Variants in TRPC6 observed in about 807,000 individuals in gnomAD.
TRPC6 encodes the protein transient receptor potential cation channel subfamily C member 6.
TRPC6 carries 55 observed loss-of-function variants against 90.7 expected under a neutral mutation model. That is an observed-to-expected ratio of 0.61 (90% CI 0.49 to 0.76). The LOEUF (loss-of-function observed/expected upper bound fraction) is 0.76, where lower values mean the gene tolerates loss of function less well. TRPC6 is among the 30% of genes least tolerant of loss of function. The probability of loss-of-function intolerance (pLI) is 0.00; values close to 1 mark genes in which losing one functional copy is unlikely to be tolerated. For missense variants in TRPC6, 989 were observed against 1,122.7 expected, an observed-to-expected ratio of 0.88 and a Z score of 1.70; for synonymous variants, 393 against 393.0, an observed-to-expected ratio of 1.00 and a Z score of 0.00.
intron 1 of TRPC6, among the ~76,000 whole-genome samples, chr11:101,582,576 T>C (rs1862221656): frequency 6.9e-6 from 1 of 144,496 alleles, no homozygotes; most frequent in East Asian, 2.1e-4. Context: ...AAAAAAAAAA[T>C]ACCCTAGATT....
intron 1 of TRPC6, among the ~76,000 whole-genome samples, chr11:101,509,276 T>A (rs942745073): frequency 2.6e-5 from 4 of 152,020 alleles, no homozygotes; most frequent in Admixed American, 1.3e-4. Context: ...TTTTTGTATT[T>A]TTTTTATAGA....
At chr11:101,479,651 CAATGTCAG>C (rs1336297915) in intron 5 of TRPC6, among the ~76,000 whole-genome samples, 2 of 152,076 alleles carry the variant, frequency 1.3e-5, no homozygotes, top group Admixed American at 6.5e-5. Flanking sequence ...AAATAAATAC[CAATGTCAG>C]AAACTGAACC....
chr11:101,530,150 A>G (rs1860877000), intron 1 of TRPC6, among the ~76,000 whole-genome samples: 1 of 152,026 alleles, frequency 6.6e-6, no homozygotes, highest in South Asian at 2.1e-4. Context: ...AGACACACCC[A>G]TCTGTGCCCT....
chr11:101,497,618 A>C (rs978546244), intron 2 of TRPC6, among the ~76,000 whole-genome samples: 17 of 152,308 alleles, frequency 1.1e-4, no homozygotes, highest in African/African-American at 4.1e-4. Context: ...AAGGAGCTGG[A>C]AGACCTCCAG....
Position 101,583,344 on chromosome 11 carries a change from A to G in TRPC6, c.160T>C (p.Tyr54His), listed in dbSNP as rs757215664. Residue 54 changes from tyrosine (Y) to histidine (H), a missense_variant, in exon 1 of 13, where the codon TAC (tyrosine) becomes CAC (histidine). Transcript: ENST00000344327. Reference sequence around the variant, plus strand: ...GTCGCCGGCACTCACAAGCAGGGGTAGTAGCCGTAGCAAGGCAGCGGGGCT... The same window carrying G: ...GTCGCCGGCACTCACAAGCAGGGGTGGTAGCCGTAGCAAGGCAGCGGGGCT... Reference protein sequence around the residue: ...PQAPLPCYGYYPCFRGSDNRL... With the variant: ...PQAPLPCYGYHPCFRGSDNRL... The G allele has an allele frequency of 9.4e-6, 15 of 1,590,248 alleles. No individual in the cohort carries two copies. Among genetic ancestry groups the G allele is most frequent in the African/African-American group, 1.3e-5 (1 of 74,360 alleles).
chr11:101,458,409 C>G (rs1858932698), intron 10 of TRPC6, among the ~76,000 whole-genome samples: 1 of 152,160 alleles, frequency 6.6e-6, no homozygotes, highest in Non-Finnish European at 1.5e-5. Context: ...AAAACCTGCC[C>G]TAAGACGACA....
intron 1 of TRPC6, among the ~76,000 whole-genome samples, chr11:101,539,031 C>T (rs1026754214): frequency 1.3e-5 from 2 of 152,198 alleles, no homozygotes; most frequent in Non-Finnish European, 2.9e-5. Flanking sequence ...AGACTGCTAA[C>T]CTGCAGAACC....
At chr11:101,520,620 C>A (rs1171004261) in intron 1 of TRPC6, among the ~76,000 whole-genome samples, 1 of 151,982 alleles carries the variant, frequency 6.6e-6, no homozygotes, top group East Asian at 1.9e-4. Flanking sequence ...GAAGAAGACA[C>A]GAAGATGAGG....
chr11:101,503,065 A>C (rs1860168937), intron 2 of TRPC6, among the ~76,000 whole-genome samples: 2 of 152,236 alleles, frequency 1.3e-5, no homozygotes, highest in Non-Finnish European at 2.9e-5. Context: ...AGATAAGTGC[A>C]TCATAAATAA....
intron 1 of TRPC6, among the ~76,000 whole-genome samples, chr11:101,512,524 C>A (rs1860416747): frequency 2.6e-5 from 4 of 152,104 alleles, no homozygotes; most frequent in African/African-American, 9.7e-5. Flanking sequence ...TCATTGTTCC[C>A]TTTTAGTTTC....
At chr11:101,503,612 G>A (rs1322632634) in intron 2 of TRPC6, among the ~76,000 whole-genome samples, 3 of 152,086 alleles carry the variant, frequency 2.0e-5, no homozygotes, top group Non-Finnish European at 4.4e-5. Context: ...ACTGTGCTCT[G>A]AACATGGAAA....
At chr11:101,565,807 T>C (rs904133977) in intron 1 of TRPC6, among the ~76,000 whole-genome samples, 11 of 152,264 alleles carry the variant, frequency 7.2e-5, no homozygotes, top group Admixed American at 2.6e-4. Context: ...CATATGTTTG[T>C]TCTTGGATAA....
intron 1 of TRPC6, among the ~76,000 whole-genome samples, chr11:101,516,399 A>G (rs2136767757): frequency 6.6e-6 from 1 of 152,258 alleles, no homozygotes; most frequent in East Asian, 1.9e-4. Context: ...TCCCCACTTA[A>G]GAATGTGATC....
intron 1 of TRPC6, among the ~76,000 whole-genome samples, chr11:101,526,380 A>T (rs934240996): frequency 6.6e-6 from 1 of 152,182 alleles, no homozygotes; most frequent in Non-Finnish European, 1.5e-5. Flanking sequence ...TATAAGATAC[A>T]TGCTTTGAAC....
rs753943966 is a variant in TRPC6 at position 101,476,433 on chromosome 11, C to T, written c.1612G>A (p.Ala538Thr). 3.0e-5 allele frequency: 49 copies of T among 1,613,910 alleles called. No homozygotes were observed. The highest frequency in any genetic ancestry group is 1.6e-4 in the Middle Eastern group (1 of 6,084). The change falls in exon 6 of 13, where the codon GCA (alanine) becomes ACA (threonine). Residue 538 changes from alanine to threonine, a missense_variant. Physicochemically the swap from Ala to Thr is moderately conservative, Grantham distance 58. Transcript: ENST00000344327. ...MLDFGMLAIF[A>T]ASFIARFMAF... ...ATGAATCTCGCAATGAATGATGCTGCGAAAATTGCTAACATACCAAAATCA... is the reference window on the plus strand; with the variant it reads ...ATGAATCTCGCAATGAATGATGCTGTGAAAATTGCTAACATACCAAAATCA...
chr11:101,568,171 A>C (rs1861878034), intron 1 of TRPC6, among the ~76,000 whole-genome samples: 1 of 152,200 alleles, frequency 6.6e-6, no homozygotes, highest in Non-Finnish European at 1.5e-5. Flanking sequence ...AGAGAAGAAC[A>C]TAAATGACCT....
intron 1 of TRPC6, among the ~76,000 whole-genome samples, chr11:101,542,015 A>G (rs1437794058): frequency 6.6e-6 from 1 of 152,222 alleles, no homozygotes; most frequent in Non-Finnish European, 1.5e-5. Flanking sequence ...TGTTAGGTCT[A>G]AAATGTAATT....
chr11:101,567,070 G>A (rs1010049446), intron 1 of TRPC6, among the ~76,000 whole-genome samples: 25 of 151,158 alleles, frequency 1.7e-4, no homozygotes, highest in African/African-American at 5.4e-4. Flanking sequence ...TCGGGGCGGG[G>A]TGGGGGGGGT....
chr11:101,453,965 G>A (rs1025290464), intron 11 of TRPC6, among the ~76,000 whole-genome samples: 2 of 152,154 alleles, frequency 1.3e-5, no homozygotes, highest in African/African-American at 4.8e-5. Flanking sequence ...AGAATGTTTA[G>A]AGCAAGTATG....
Sources: gnomAD v4.1 joint callset for allele counts (sites outside exome capture counted in the v4.1 genomes callset) on GRCh38, gnomAD v4.1.1 for gene constraint, MANE v1.5 for transcripts, NCBI Gene and HGNC (gene_info 2026-07-23, HGNC 2026-07-21) for gene names.